Variants in AHI1 observed in about 807,000 individuals in gnomAD.
AHI1 encodes Abelson helper integration site 1, also known as jouberin.
A neutral mutation model predicts 149.3 loss-of-function variants in AHI1; 123 were observed. The ratio of observed to expected loss-of-function variants is 0.82; its 90% confidence interval spans 0.71 to 0.96. The LOEUF is 0.96. Among genes scored for constraint, AHI1 ranks in the 40% least tolerant of loss-of-function variants. The pLI is 0.00. For missense variants in AHI1, 1,439 were observed against 1,422.7 expected (o/e 1.01, Z -0.18); for synonymous variants, 475 against 459.8 (o/e 1.03, Z -0.42).
chr6:135,349,188 ATG>A (rs1192514227), intron 24 of AHI1, among the ~76,000 whole-genome samples: 1 of 152,110 alleles, frequency 6.6e-6, no homozygotes, highest in Non-Finnish European at 1.5e-5. Context: ...GGTTCTTGCT[ATG>A]TTGTCCAGGC....
At chr6:135,323,841 A>G (rs1169654299) in intron 24 of AHI1, among the ~76,000 whole-genome samples, 2 of 152,200 alleles carry the variant, frequency 1.3e-5, no homozygotes, top group Non-Finnish European at 2.9e-5. Flanking sequence ...GATGTTTTAT[A>G]TCAACAACTT....
chr6:135,435,129 C>T (rs1022577175), intron 15 of AHI1: 1 of 152,192 alleles, frequency 6.6e-6, no homozygotes, highest in Non-Finnish European at 1.5e-5. Context: ...CTTTGGACAA[C>T]AGCTCCTTTA....
chr6:135,408,739 AAAACAATGAACAAGGGTGCACAG>A (rs1162076531), intron 21 of AHI1, among the ~76,000 whole-genome samples: 5 of 152,192 alleles, frequency 3.3e-5, no homozygotes, highest in Non-Finnish European at 7.4e-5. Context: ...AGGTAAGAAT[AAAACAATGAACAAGGGTGCACAG>A]CCCCTGTCTT....
rs1013792253 is a variant in AHI1 at position 135,390,344 on chromosome 6, A to G, written c.3109+4432T>C. Among the ~76,000 whole-genome samples the G allele has an allele frequency of 2.6e-5, 4 of 152,368 alleles. 1 individual carries two copies. The highest frequency in any genetic ancestry group is 6.8e-3 in the Middle Eastern group (2 of 294). ...AGATGTAAGTTCATTAATCCTCAGGAAATAGGATGTCCTCCTTGACACCTC... is the reference window on the plus strand; with the variant it reads ...AGATGTAAGTTCATTAATCCTCAGGGAATAGGATGTCCTCCTTGACACCTC... On this transcript the variant is annotated intron_variant, in intron 23 of 28. Coordinates refer to ENST00000265602, the MANE Select transcript of AHI1 (RefSeq NM_001134831.2).
intron 23 of AHI1, among the ~76,000 whole-genome samples, chr6:135,372,043 T>G (rs1420721874): frequency 6.6e-6 from 1 of 152,230 alleles, no homozygotes; most frequent in Non-Finnish European, 1.5e-5. Context: ...AAAAAGGGTC[T>G]ATACACCTGG....
intron 23 of AHI1, among the ~76,000 whole-genome samples, chr6:135,366,924 T>C (rs2223803): frequency 0.51 from 77,501 of 151,962 alleles, 20,380 homozygotes; most frequent in Middle Eastern, 0.64. Flanking sequence ...GGCTATGAAC[T>C]TTCCTCTTAG....
intron 11 of AHI1, among the ~76,000 whole-genome samples, chr6:135,449,207 C>T (rs1787717914): frequency 1.3e-5 from 2 of 152,028 alleles, no homozygotes; most frequent in Admixed American, 6.5e-5. Flanking sequence ...TGCCACCACA[C>T]CTGGTTGATT....
chr6:135,339,276 A>T (rs1789921551), intron 24 of AHI1, among the ~76,000 whole-genome samples: 1 of 152,200 alleles, frequency 6.6e-6, no homozygotes, highest in Non-Finnish European at 1.5e-5. Flanking sequence ...CCTCTTATCA[A>T]AAAATTACGA....
intron 23 of AHI1, among the ~76,000 whole-genome samples, chr6:135,390,010 T>TG (rs1270586053): frequency 7.6e-5 from 6 of 79,412 alleles, no homozygotes; most frequent in African/African-American, 4.6e-4. Flanking sequence ...AGTTTTTTTG[T>TG]GTTTTTTTTA....
chr6:135,310,344 T>G lies in AHI1; in HGVS notation c.3426+8175A>C, dbSNP rs377614562. ...ACACATGCACATTGAGGGCAATATATTTATTGCCTACCATTTTTCTGAGAG... is the reference window on the plus strand; with the variant it reads ...ACACATGCACATTGAGGGCAATATAGTTATTGCCTACCATTTTTCTGAGAG... On this transcript the variant is annotated intron_variant, in intron 26 of 28. Coordinates refer to ENST00000265602, the MANE Select transcript of AHI1 (RefSeq NM_001134831.2). Among the ~76,000 whole-genome samples, 12 of 152,346 alleles carry G rather than the reference T, an allele frequency of 7.9e-5. 1 individual carries two copies. The highest frequency in any genetic ancestry group is 1.9e-4 in the East Asian group (1 of 5,192).
intron 24 of AHI1, among the ~76,000 whole-genome samples, chr6:135,346,264 G>C (rs1339191002): frequency 6.6e-6 from 1 of 152,026 alleles, no homozygotes; most frequent in Non-Finnish European, 1.5e-5. Flanking sequence ...GCGCGATCTT[G>C]GCTCACTGCA....
At chr6:135,314,910 G>C (rs1426936292) in intron 26 of AHI1, among the ~76,000 whole-genome samples, 1 of 152,022 alleles carries the variant, frequency 6.6e-6, no homozygotes, top group African/African-American at 2.4e-5. Context: ...TGTCAATATT[G>C]GCTGCACATT....
rs758205085 is a variant in AHI1 at position 135,466,317 on chromosome 6, T to G, written c.246A>C (p.Val82=). The G allele has an allele frequency of 6.2e-7, 1 of 1,613,948 alleles. No individual in the cohort carries two copies. The change falls in exon 7 of 29, where the codon GTA becomes GTC. Residue 82 remains valine, a synonymous_variant. Transcript: ENST00000265602. ...PHIKETTSDD[V]SAANTNNLKK... ...TCAGGTTGTTAGTGTTAGCAGCACT[T>G]ACATCATCACTTGTAGTTTCTTTAA...
At chr6:135,416,016 A>C (rs753224111) in intron 20 of AHI1, among the ~76,000 whole-genome samples, 2 of 152,160 alleles carry the variant, frequency 1.3e-5, no homozygotes, top group African/African-American at 2.4e-5. Context: ...AAAAGGGCAC[A>C]AAGTAACTTT....
chr6:135,410,493 T>C (rs1456832256), intron 21 of AHI1, among the ~76,000 whole-genome samples: 1 of 152,178 alleles, frequency 6.6e-6, no homozygotes, highest in African/African-American at 2.4e-5. Flanking sequence ...TTCCTATGCC[T>C]AAGCAGCTGG....
intron 24 of AHI1, among the ~76,000 whole-genome samples, chr6:135,345,524 T>C (rs1198230516): frequency 6.6e-6 from 1 of 152,154 alleles, no homozygotes; most frequent in African/African-American, 2.4e-5. Flanking sequence ...TGCCACAACA[T>C]GGATGAACCT....
At chr6:135,458,297 A>G (rs189451191) in intron 8 of AHI1, among the ~76,000 whole-genome samples, 13 of 152,194 alleles carry the variant, frequency 8.5e-5, no homozygotes, top group African/African-American at 3.1e-4. Flanking sequence ...AGTTTGGCTT[A>G]GGCAGAAAGT....
chr6:135,341,352 A>T (rs974394910), intron 24 of AHI1, among the ~76,000 whole-genome samples: 2 of 152,172 alleles, frequency 1.3e-5, no homozygotes, highest in Middle Eastern at 3.4e-3. Flanking sequence ...CACTCACTAG[A>T]GACAAAGAAG....
intron 23 of AHI1, among the ~76,000 whole-genome samples, chr6:135,362,687 C>A (rs1204799769): frequency 6.6e-6 from 1 of 152,094 alleles, no homozygotes; most frequent in Non-Finnish European, 1.5e-5. Flanking sequence ...ATTGTCTATG[C>A]ATGTCCTTAG....
Sources: gnomAD v4.1 joint callset for allele counts (sites outside exome capture counted in the v4.1 genomes callset) on GRCh38, gnomAD v4.1.1 for gene constraint, MANE v1.5 for transcripts, NCBI Gene and HGNC (gene_info 2026-07-23, HGNC 2026-07-21) for gene names.